The following PTPRN2 variants were observed in gnomAD, a reference collection of about 807,000 sequenced individuals.
PTPRN2 encodes the protein protein tyrosine phosphatase receptor type N2, also known as receptor-type tyrosine-protein phosphatase N2.
Under a neutral mutation model 118.8 loss-of-function variants are expected in PTPRN2, and 74 were observed. The observed-to-expected ratio is 0.62, with a 90% CI of 0.52 to 0.76. PTPRN2 has a LOEUF of 0.76. Among genes scored for constraint, PTPRN2 ranks in the 30% least tolerant of loss-of-function variants. The pLI, the probability that PTPRN2 is intolerant of heterozygous loss-of-function variation, is 0.00. For missense variants in PTPRN2, 1,481 were observed against 1,394.4 expected, an observed-to-expected ratio of 1.06 and a Z score of -0.99; for synonymous variants, 641 against 608.0, an observed-to-expected ratio of 1.05 and a Z score of -0.80.
intron 6 of PTPRN2, among the ~76,000 whole-genome samples, chr7:158,149,571 G>C (rs1485819125): frequency 6.6e-6 from 1 of 152,146 alleles, no homozygotes; most frequent in East Asian, 1.9e-4. Flanking sequence ...TGGGGTCCGA[G>C]GTGGGTGGAT....
intron 7 of PTPRN2, 114 bp from the exon 8 acceptor site, chr7:158,136,809 G>T: frequency 1.0e-6 from 1 of 964,010 alleles, no homozygotes; most frequent in Non-Finnish European, 1.6e-6. Context: ...GAGGTGTGAT[G>T]ACGCTGGCCT....
At chr7:157,549,118 C>T in intron 21 of PTPRN2, 99 bp from the exon 22 acceptor site, 1 of 1,190,446 alleles carries the variant, frequency 8.4e-7, no homozygotes, top group South Asian at 1.2e-5. Context: ...GGCTGAGAGG[C>T]CAATTGAAAA....
chr7:158,320,151 ACACACACAGCCTCCCTCG>A (rs1802877214), intron 2 of PTPRN2, among the ~76,000 whole-genome samples: 2 of 18,086 alleles, frequency 1.1e-4, no homozygotes, highest in African/African-American at 1.6e-4. Flanking sequence ...CCTCCCTTGT[ACACACACAGCCTCCCTCG>A]TACACACACA....
chr7:157,713,578 C>T (rs563750723), intron 12 of PTPRN2, among the ~76,000 whole-genome samples: 5 of 152,282 alleles, frequency 3.3e-5, no homozygotes, highest in South Asian at 2.1e-4. Flanking sequence ...GACGGTGTGA[C>T]GCCCGGCTCC....
chr7:158,439,416 T>G (rs1278234015), intron 2 of PTPRN2, among the ~76,000 whole-genome samples: 2 of 152,200 alleles, frequency 1.3e-5, no homozygotes, highest in Non-Finnish European at 2.9e-5. Context: ...AAGAATGGTT[T>G]TTATATTTTT....
intron 12 of PTPRN2, among the ~76,000 whole-genome samples, chr7:157,817,533 G>A (rs982049629): frequency 7.2e-5 from 11 of 152,202 alleles, no homozygotes; most frequent in South Asian, 4.1e-4. Context: ...TCCTCCCCAC[G>A]TCCTCAGGTG....
chr7:157,814,948 C>T (rs775992504), intron 12 of PTPRN2, among the ~76,000 whole-genome samples: 2 of 152,220 alleles, frequency 1.3e-5, no homozygotes, highest in Non-Finnish European at 2.9e-5. Context: ...TTCTCCAAAG[C>T]TACGTGGTCA....
Position 157,845,363 on chromosome 7 carries a change from A to T in PTPRN2, c.1788+53310T>A, listed in dbSNP as rs1325466248. On this transcript the variant is annotated intron_variant, in intron 12 of 22. Transcript: ENST00000389418. This position sits in a 1 kb window ranked among gnomAD's most constrained non-coding sequence, Gnocchi z 4.5. The stretch of plus-strand genomic sequence containing the variant: ...GGTGAATCACGCAGCCTAACTCACC[A>T]TGTTCCCGGCCACGCCACAGTGAAT... 1.3e-5 allele frequency among the ~76,000 whole-genome samples: 2 copies of T among 151,944 alleles called. No individual in the cohort carries two copies. The highest frequency in any genetic ancestry group is 2.9e-5 in the Non-Finnish European group (2 of 67,976).
intron 13 of PTPRN2, among the ~76,000 whole-genome samples, chr7:157,663,511 G>A (rs562492261): frequency 1.1e-4 from 17 of 152,354 alleles, no homozygotes; most frequent in Admixed American, 3.9e-4. Flanking sequence ...TCCCTCCAAG[G>A]ACGGGGGCTG....
At chr7:157,966,590 A>G (rs56241130) in intron 11 of PTPRN2, among the ~76,000 whole-genome samples, 13,968 of 151,254 alleles carry the variant, frequency 0.092, 857 homozygotes, top group Non-Finnish European at 0.14. Context: ...CATCATTACC[A>G]TCACTACTAT....
chr7:158,291,491 G>C (rs143845546), intron 3 of PTPRN2, among the ~76,000 whole-genome samples: 36 of 152,198 alleles, frequency 2.4e-4, no homozygotes, highest in African/African-American at 7.9e-4. Context: ...ACTAGATTTT[G>C]GTTGATTTCT....
intron 13 of PTPRN2, among the ~76,000 whole-genome samples, chr7:157,678,415 C>G (rs1218431861): frequency 6.6e-6 from 1 of 152,134 alleles, no homozygotes; most frequent in Non-Finnish European, 1.5e-5. Flanking sequence ...TTAAACTCAC[C>G]TAGAGAAAGA....
chr7:158,437,773 C>A (rs1430158050), intron 2 of PTPRN2, among the ~76,000 whole-genome samples: 2 of 152,238 alleles, frequency 1.3e-5, no homozygotes, highest in Non-Finnish European at 2.9e-5. Flanking sequence ...GCTTTCTGAT[C>A]AGCCTCTGAT....
At chr7:158,149,467 T>G (rs1158924526) in intron 6 of PTPRN2, among the ~76,000 whole-genome samples, 1 of 152,092 alleles carries the variant, frequency 6.6e-6, no homozygotes, top group East Asian at 1.9e-4. Flanking sequence ...TCCTTATTTT[T>G]AATCTCTAAC....
intron 12 of PTPRN2, among the ~76,000 whole-genome samples, chr7:157,823,693 G>C (rs1449482369): frequency 6.6e-6 from 1 of 152,180 alleles, no homozygotes; most frequent in Non-Finnish European, 1.5e-5. Flanking sequence ...GAAGTTTTCA[G>C]ATTTTCTCAC....
chr7:157,640,721 G>A (rs1804618233), intron 14 of PTPRN2, among the ~76,000 whole-genome samples: 2 of 152,332 alleles, frequency 1.3e-5, no homozygotes, highest in African/African-American at 4.8e-5. Context: ...CATCCGACCA[G>A]CAACAGACAG....
chr7:158,132,461 CAA>C (rs1818426073), intron 9 of PTPRN2, among the ~76,000 whole-genome samples: 2 of 150,274 alleles, frequency 1.3e-5, no homozygotes, highest in Admixed American at 1.3e-4. Context: ...CATATCGACA[CAA>C]CACACACTCG....
rs1175694182 is a variant in PTPRN2 at position 157,617,142 on chromosome 7, G to T, written c.2344+4220C>A. 6.6e-6 allele frequency: 1 copy of T among 152,354 alleles called. No individual in the cohort carries two copies. Among genetic ancestry groups the T allele is most frequent in the Non-Finnish European group, 1.5e-5 (1 of 68,090 alleles). 9.4% of individuals were successfully genotyped at this position (152,354 alleles called of 1,614,324 possible). ...GGGGGGGTTTCTTGTGAGGACCAGA[G>T]GTGGCACATCCACGGGCATGGGGGA... On this transcript the variant is annotated intron_variant, in intron 15 of 22. Transcript: ENST00000389418. The surrounding 1 kb of genome is among the most constrained non-coding windows in gnomAD (Gnocchi z 7.5).
intron 3 of PTPRN2, among the ~76,000 whole-genome samples, chr7:158,257,713 A>G (rs1056874105): frequency 6.6e-6 from 1 of 152,250 alleles, no homozygotes; most frequent in Non-Finnish European, 1.5e-5. Context: ...AGGACTGACC[A>G]AGACCTGCGG....
Sources: gnomAD v4.1 joint callset for allele counts (sites outside exome capture counted in the v4.1 genomes callset) on GRCh38, gnomAD v4.1.1 for gene constraint, Gnocchi (gnomAD v3.1) non-coding constraint, MANE v1.5 for transcripts, NCBI Gene and HGNC (gene_info 2026-07-23, HGNC 2026-07-21) for gene names.